Variants in RPS6KA3 observed in about 807,000 individuals in gnomAD.
RPS6KA3 encodes ribosomal protein S6 kinase alpha-3.
A neutral mutation model predicts 67.2 loss-of-function variants in RPS6KA3; 4 were observed. That is an observed-to-expected ratio of 0.06 (90% CI 0.03 to 0.14). RPS6KA3 has a LOEUF of 0.14. Ranked by LOEUF, RPS6KA3 falls within the 10% of genes least tolerant of loss-of-function variation. RPS6KA3 has a pLI of 1.00. For synonymous variants in RPS6KA3, 182 were observed against 183.7 expected (o/e 0.99, Z 0.07); for missense variants, 204 against 559.0 (o/e 0.36, Z 6.40).
intron 1 of RPS6KA3, among the ~76,000 whole-genome samples, chrX:20,263,558 G>GT (rs1343541788): frequency 2.7e-5 from 3 of 111,611 alleles, no homozygotes; most frequent in Non-Finnish European, 5.7e-5. Context: ...AACCACAAGG[G>GT]TTTTTTTGTT....
chrX:20,233,547 T>C (rs757720956), intron 2 of RPS6KA3, among the ~76,000 whole-genome samples: 1 of 110,419 alleles, frequency 9.1e-6, no homozygotes, highest in African/African-American at 3.3e-5. Context: ...AAGACCAGCC[T>C]GGGCAACATA....
chrX:20,159,057 A>C (rs1467102641), intron 20 of RPS6KA3, among the ~76,000 whole-genome samples: 1 of 112,107 alleles, frequency 8.9e-6, no homozygotes, highest in Non-Finnish European at 1.9e-5. Flanking sequence ...ACCACCCCTC[A>C]TCCATCTGCC....
chrX:20,253,675 C>T (rs1253059790), intron 1 of RPS6KA3, among the ~76,000 whole-genome samples: 1 of 111,562 alleles, frequency 9.0e-6, no homozygotes, highest in African/African-American at 3.3e-5. Context: ...TTCTAATTTT[C>T]CACATTATGG....
chrX:20,266,647 C>A lies in RPS6KA3; in HGVS notation c.-15G>T, dbSNP rs941257054. The A allele has an allele frequency of 1.8e-6, 2 of 1,127,622 alleles. No homozygotes were observed. Among genetic ancestry groups the A allele is most frequent in the Non-Finnish European group, 2.3e-6 (2 of 855,401 alleles). 92.9% of individuals were successfully genotyped at this position (1,127,622 alleles called of 1,213,427 possible). On this transcript the variant is annotated 5_prime_UTR_variant, in exon 1 of 22. Transcript: ENST00000379565. ...GCCAGCGGCATCTTCCCCCCCGGCCCGCCGCCTTCACCGCCTCCTCCCTCC... is the reference window on the plus strand; with the variant it reads ...GCCAGCGGCATCTTCCCCCCCGGCCAGCCGCCTTCACCGCCTCCTCCCTCC...
intron 2 of RPS6KA3, among the ~76,000 whole-genome samples, chrX:20,214,068 T>C (rs2068785079): frequency 8.9e-6 from 1 of 111,813 alleles, no homozygotes. Flanking sequence ...CCTTCCACCA[T>C]TCTTGGGGAA....
At chrX:20,254,731 T>C (rs1025566340) in intron 1 of RPS6KA3, among the ~76,000 whole-genome samples, 1 of 111,870 alleles carries the variant, frequency 8.9e-6, no homozygotes, top group African/African-American at 3.3e-5. Context: ...AAGAAGCACA[T>C]GAAAAGATCC....
At position 20,165,233 on chromosome X, in the gene RPS6KA3, C is replaced by T. The variant is rs747608795; in HGVS notation, c.1603-173G>A. On this transcript the variant is annotated intron_variant, in intron 17 of 21. Coordinates refer to ENST00000379565, the MANE Select transcript of RPS6KA3 (RefSeq NM_004586.3). ...TAAAGCATAACTCTCTAACATAGAC[C>T]GGGGGCAAGGAGGAGGAGGAAGAAA... 6.3e-5 allele frequency among the ~76,000 whole-genome samples: 7 copies of T among 111,585 alleles called. No homozygotes were observed. The South Asian group carries it at 1.5e-3, about 24-fold the overall frequency.
chrX:20,219,010 T>C lies in RPS6KA3; in HGVS notation c.127-9606A>G, dbSNP rs749022649. The C allele has an allele frequency of 7.3e-6, 3 of 413,256 alleles. No individual in the cohort carries two copies. In the South Asian group the frequency reaches 1.5e-4, roughly 20 times the overall value. 34.1% of individuals were successfully genotyped at this position (413,256 alleles called of 1,213,427 possible). The stretch of plus-strand genomic sequence containing the variant: ...AAAAAGAGGCCGGACAATTTTCCTG[T>C]GGTAAAAGAAAGAAGAAACCTGCCG... On this transcript the variant is annotated intron_variant, in intron 2 of 21. Transcript: ENST00000379565.
chrX:20,175,196 T>C lies in RPS6KA3; in HGVS notation c.1195A>G (p.Met399Val), dbSNP rs761361669. The change falls in exon 14 of 22, where the codon ATG (methionine) becomes GTG (valine). Residue 399 changes from methionine to valine, a missense_variant. Met to Val is a conservative substitution (Grantham distance 21). Around this residue, in one of 4 missense-constraint regions of RPS6KA3, gnomAD observed 24 missense variants for 25.1 expected, o/e 0.96. Coordinates refer to ENST00000379565, the MANE Select transcript of RPS6KA3 (RefSeq NM_004586.3). ...ATTGAATGTACACCAACTGTCTGCA[T>C]AGCTTGGCTTTCATCATCTGAGGTA... ...AITSDDESQA[M>V]QTVGVHSIVQ... 2.5e-6 allele frequency: 3 copies of C among 1,207,699 alleles called. No individual in the cohort carries two copies. The highest frequency in any genetic ancestry group is 3.4e-6 in the Non-Finnish European group (3 of 891,486).
intron 10 of RPS6KA3, among the ~76,000 whole-genome samples, chrX:20,184,559 C>A (rs753194130): frequency 8.3e-5 from 9 of 108,831 alleles, no homozygotes; most frequent in Non-Finnish European, 3.8e-5. Context: ...GCACGTGCCA[C>A]CACATCTGGC....
At chrX:20,243,072 A>G (rs1421691625) in intron 1 of RPS6KA3, among the ~76,000 whole-genome samples, 1 of 112,262 alleles carries the variant, frequency 8.9e-6, no homozygotes, top group Non-Finnish European at 1.9e-5. Context: ...AAAATAAAAC[A>G]AGCGTTTATA....
At chrX:20,191,579 G>A (rs1171207745) in intron 7 of RPS6KA3, among the ~76,000 whole-genome samples, 2 of 111,231 alleles carry the variant, frequency 1.8e-5, no homozygotes, top group African/African-American at 6.6e-5. Context: ...GGCGTGAGAT[G>A]GTATCTCATT....
intron 1 of RPS6KA3, among the ~76,000 whole-genome samples, chrX:20,235,998 A>C (rs2069401540): frequency 8.9e-6 from 1 of 111,779 alleles, no homozygotes; most frequent in African/African-American, 3.3e-5. Flanking sequence ...ATGATGATAA[A>C]GGTGTAAATT....
chrX:20,230,837 A>G (rs2069243749), intron 2 of RPS6KA3, among the ~76,000 whole-genome samples: 1 of 112,019 alleles, frequency 8.9e-6, no homozygotes, highest in African/African-American at 3.2e-5. Context: ...AAATATACAT[A>G]CGCAATAACC....
chrX:20,251,630 A>G (rs893249373), intron 1 of RPS6KA3, among the ~76,000 whole-genome samples: 6 of 113,013 alleles, frequency 5.3e-5, no homozygotes, highest in Non-Finnish European at 7.5e-5. Context: ...TACTTTTTCA[A>G]TTGTCATAAA....
intron 15 of RPS6KA3, among the ~76,000 whole-genome samples, chrX:20,170,665 G>A (rs925191970): frequency 9.2e-6 from 1 of 109,200 alleles, no homozygotes; most frequent in African/African-American, 3.4e-5. Flanking sequence ...AGGGTGGAGT[G>A]TAGTGGCGCA....
chrX:20,232,197 A>G (rs967405241), intron 2 of RPS6KA3, among the ~76,000 whole-genome samples: 4 of 112,205 alleles, frequency 3.6e-5, no homozygotes, highest in African/African-American at 9.7e-5. Flanking sequence ...CAAAATGTAA[A>G]AGGATTATTT....
intron 2 of RPS6KA3, chrX:20,219,008 T>G: frequency 2.4e-6 from 1 of 419,516 alleles, no homozygotes; most frequent in South Asian, 4.7e-5. Context: ...ACAATTTTCC[T>G]GTGGTAAAAG....
intron 4 of RPS6KA3, among the ~76,000 whole-genome samples, chrX:20,197,562 A>AT: frequency 8.9e-6 from 1 of 112,028 alleles, no homozygotes; most frequent in East Asian, 2.8e-4. Context: ...AACCAAGATG[A>AT]TTTTTTTGTG....
Sources: gnomAD v4.1 joint callset for allele counts (sites outside exome capture counted in the v4.1 genomes callset) on GRCh38, gnomAD v4.1.1 for gene constraint, gnomAD v4.1.1 regional missense constraint, MANE v1.5 for transcripts, NCBI Gene and HGNC (gene_info 2026-07-23, HGNC 2026-07-21) for gene names.